Variants in PTPN4 observed in about 807,000 individuals in gnomAD.
PTPN4 encodes tyrosine-protein phosphatase non-receptor type 4.
Under a neutral mutation model 135.5 loss-of-function variants are expected in PTPN4, and 49 were observed. The ratio of observed to expected loss-of-function variants is 0.36; its 90% CI spans 0.29 to 0.46. The LOEUF is 0.46. PTPN4 is among the 20% of genes least tolerant of loss of function. The pLI, the probability that PTPN4 is intolerant of heterozygous loss-of-function variation, is 1.00. For missense variants in PTPN4, 860 were observed against 1,101.0 expected, an observed-to-expected ratio of 0.78 and a Z score of 3.10; for synonymous variants, 333 against 369.9, an observed-to-expected ratio of 0.90 and a Z score of 1.14.
intron 2 of PTPN4, 113 bp downstream of exon 2, chr2:119,810,104 T>TA (rs1378116899): frequency 3.2e-6 from 4 of 1,261,142 alleles, no homozygotes; most frequent in African/African-American, 1.5e-5. Flanking sequence ...CTTATTCAAG[T>TA]AAAAAAGTCT....
intron 18 of PTPN4, among the ~76,000 whole-genome samples, chr2:119,950,429 C>T (rs778830978): frequency 6.6e-6 from 1 of 152,224 alleles, no homozygotes; most frequent in Non-Finnish European, 1.5e-5. Flanking sequence ...ATCTCATCTT[C>T]ACAACAACTC....
Position 119,979,753 on chromosome 2 carries a change from T to C in PTPN4, c.*2683T>C, listed in dbSNP as rs1479641855. 1.3e-5 allele frequency: 2 copies of C among 152,136 alleles called. No homozygotes were observed. Among genetic ancestry groups the C allele is most frequent in the South Asian group, 2.1e-4 (1 of 4,834 alleles). 9.4% of individuals were successfully genotyped at this position (152,136 alleles called of 1,614,324 possible). On this transcript the variant is annotated 3_prime_UTR_variant, in exon 27 of 27. Transcript: ENST00000263708. ...TTGTATCTAAGCTACGCTCCCACTC[T>C]TCCAGCCACCCCTACCTCCCACCTT...
At chr2:119,964,829 T>C (rs1679423597) in intron 24 of PTPN4, among the ~76,000 whole-genome samples, 1 of 152,208 alleles carries the variant, frequency 6.6e-6, no homozygotes, top group African/African-American at 2.4e-5. Context: ...GCTTTCCTTC[T>C]AAAATTCCAA....
intron 22 of PTPN4, 125 bp downstream of exon 22, chr2:119,957,202 A>AC: frequency 2.3e-6 from 2 of 872,058 alleles, no homozygotes; most frequent in Non-Finnish European, 3.5e-6. Flanking sequence ...GAAAAATATT[A>AC]TTGAAGTAAT....
intron 9 of PTPN4, among the ~76,000 whole-genome samples, chr2:119,894,267 C>T (rs541762673): frequency 1.5e-4 from 23 of 152,312 alleles, no homozygotes; most frequent in Non-Finnish European, 3.2e-4. Context: ...CAAATGTAAT[C>T]TCTTGGAACA....
intron 1 of PTPN4, among the ~76,000 whole-genome samples, chr2:119,776,334 C>T (rs988200798): frequency 6.6e-6 from 1 of 152,124 alleles, no homozygotes; most frequent in African/African-American, 2.4e-5. Context: ...TGCCACCACG[C>T]CCGGCTAATT....
At chr2:119,888,441 A>G (rs965974659) in intron 9 of PTPN4, among the ~76,000 whole-genome samples, 3 of 152,098 alleles carry the variant, frequency 2.0e-5, no homozygotes, top group Non-Finnish European at 2.9e-5. Flanking sequence ...AGGGGGAACA[A>G]TTTCAACTTT....
In PTPN4 at chr2:119,946,058, C is replaced by A. The variant is rs949552340; in HGVS notation, c.1516-283C>A. Reference sequence around the variant, plus strand: ...AACCTGGCTTGCTATGAGCCAGATTCTACGGATATAGCAATTAATAAAGAC... The same window carrying A: ...AACCTGGCTTGCTATGAGCCAGATTATACGGATATAGCAATTAATAAAGAC... On this transcript the variant is annotated intron_variant, in intron 16 of 26. Transcript: ENST00000263708. Among the ~76,000 whole-genome samples, 3 of 152,154 alleles carry A rather than the reference C, an allele frequency of 2.0e-5. No homozygotes were observed. The East Asian group carries it at 5.8e-4, about 29-fold the overall frequency.
intron 11 of PTPN4, among the ~76,000 whole-genome samples, chr2:119,918,618 G>T (rs1005910207): frequency 2.0e-5 from 3 of 152,166 alleles, no homozygotes; most frequent in African/African-American, 7.2e-5. Context: ...TGATAAACCA[G>T]TGGTTGGTGA....
chr2:119,803,199 T>G (rs910344174), intron 1 of PTPN4, among the ~76,000 whole-genome samples: 8 of 152,190 alleles, frequency 5.3e-5, no homozygotes, highest in Non-Finnish European at 1.0e-4. Flanking sequence ...ATGTTCTTTG[T>G]TATTTCCTTC....
At chr2:119,902,655 A>G (rs1678423217) in intron 10 of PTPN4, among the ~76,000 whole-genome samples, 1 of 152,254 alleles carries the variant, frequency 6.6e-6, no homozygotes, top group Non-Finnish European at 1.5e-5. Flanking sequence ...TCTGAGACAC[A>G]GAAGGAGAGG....
intron 10 of PTPN4, among the ~76,000 whole-genome samples, chr2:119,903,255 G>A (rs1290963022): frequency 1.3e-5 from 2 of 152,106 alleles, no homozygotes; most frequent in Admixed American, 1.3e-4. Context: ...CAAGACCACT[G>A]TACAGCTGCA....
chr2:119,907,611 G>A (rs1234644894), intron 10 of PTPN4, among the ~76,000 whole-genome samples: 1 of 150,524 alleles, frequency 6.6e-6, no homozygotes, highest in African/African-American at 2.4e-5. Flanking sequence ...TCTCTATTAA[G>A]AAAAAAAAAA....
intron 2 of PTPN4, among the ~76,000 whole-genome samples, chr2:119,845,231 G>GGGGAGC (rs1677473858): frequency 3.2e-5 from 3 of 93,694 alleles, no homozygotes; most frequent in Admixed American, 2.3e-4. Context: ...GGGAGACCGT[G>GGGGAGC]GGGAGAGGGA....
chr2:119,915,318 T>A, intron 11 of PTPN4, 76 bp downstream of exon 11: 2 of 1,230,072 alleles, frequency 1.6e-6, no homozygotes, highest in Non-Finnish European at 2.2e-6. Flanking sequence ...AACTTTTCTA[T>A]TATTAGTACA....
At chr2:119,816,994 T>C (rs1335913989) in intron 2 of PTPN4, among the ~76,000 whole-genome samples, 2 of 152,208 alleles carry the variant, frequency 1.3e-5, no homozygotes, top group African/African-American at 2.4e-5. Flanking sequence ...CATGTAATGC[T>C]CGAATTCTTT....
chr2:119,937,870 T>C (rs1205221950), intron 15 of PTPN4, among the ~76,000 whole-genome samples: 7 of 151,948 alleles, frequency 4.6e-5, no homozygotes, highest in Admixed American at 3.9e-4. Context: ...AGTTCGAGGA[T>C]GTATTGCTCC....
At chr2:119,899,248 G>A (rs1678369036) in intron 9 of PTPN4, among the ~76,000 whole-genome samples, 1 of 152,148 alleles carries the variant, frequency 6.6e-6, no homozygotes, top group Non-Finnish European at 1.5e-5. Context: ...GAATCCAGTT[G>A]GAGTGGGATT....
In PTPN4 at chr2:119,818,679, G is replaced by A. The variant is rs536752069; in HGVS notation, c.138+8688G>A. 6.0e-4 allele frequency among the ~76,000 whole-genome samples: 92 copies of A among 152,292 alleles called. No individual in the cohort carries two copies. In the South Asian group the frequency reaches 8.5e-3, roughly 14 times the overall value. On this transcript the variant is annotated intron_variant, in intron 2 of 26. Transcript: ENST00000263708. ...ATAGGAAAGGTTTGGACTCTTATTTGTTGGAGCTCTGGATTATTAAGTCCC... is the reference window on the plus strand; with the variant it reads ...ATAGGAAAGGTTTGGACTCTTATTTATTGGAGCTCTGGATTATTAAGTCCC...
Sources: gnomAD v4.1 joint callset for allele counts (sites outside exome capture counted in the v4.1 genomes callset) on GRCh38, gnomAD v4.1.1 for gene constraint, MANE v1.5 for transcripts, NCBI Gene and HGNC (gene_info 2026-07-23, HGNC 2026-07-21) for gene names.